NFX1: variants seen among roughly 807,000 people sequenced by gnomAD.
NFX1 encodes the protein transcriptional repressor NF-X1.
A neutral mutation model predicts 137.2 loss-of-function variants in NFX1; 69 were observed. The observed-to-expected ratio is 0.50, with a 90% CI of 0.41 to 0.61. NFX1 has a LOEUF of 0.61. Among genes scored for constraint, NFX1 ranks in the 20% least tolerant of loss-of-function variants. NFX1 has a pLI of 0.00. For synonymous variants in NFX1, 495 were observed against 474.1 expected (o/e 1.04, Z -0.57); for missense variants, 1,167 against 1,391.0 (o/e 0.84, Z 2.56).
chr9:33,301,242 G>A, intron 2 of NFX1, 21 bp from the exon 3 acceptor site: 1 of 1,603,992 alleles, frequency 6.2e-7, no homozygotes, highest in Middle Eastern at 1.7e-4. Context: ...AATCTTTTTT[G>A]TTATTTTGTT....
intron 4 of NFX1, among the ~76,000 whole-genome samples, chr9:33,304,152 C>T (rs541520146): frequency 2.6e-5 from 4 of 152,166 alleles, no homozygotes; most frequent in Non-Finnish European, 5.9e-5. Flanking sequence ...ATCCCAGCTA[C>T]TTGGGAGGCT....
chr9:33,318,696 T>G (rs1223150607), intron 7 of NFX1, 35 bp from the exon 8 acceptor site: 2 of 1,568,904 alleles, frequency 1.3e-6, no homozygotes, highest in African/African-American at 2.7e-5. Context: ...CCATACATGT[T>G]ACTAACGTTT....
At chr9:33,344,212 C>A in intron 14 of NFX1, 24 bp downstream of exon 14, 3 of 1,612,930 alleles carry the variant, frequency 1.9e-6, no homozygotes, top group Non-Finnish European at 2.5e-6. Context: ...TGTCTTCACA[C>A]TTCAGCCTGC....
At chr9:33,313,527 T>G in intron 6 of NFX1, 127 bp from the exon 7 acceptor site, 2 of 760,406 alleles carry the variant, frequency 2.6e-6, no homozygotes, top group South Asian at 2.1e-5. Flanking sequence ...TAGGAAAAAG[T>G]GAGGGAAATG....
chr9:33,321,148 T>C (rs1484169113), intron 9 of NFX1, among the ~76,000 whole-genome samples: 1 of 152,214 alleles, frequency 6.6e-6, no homozygotes, highest in Non-Finnish European at 1.5e-5. Context: ...GGCACTCATG[T>C]ATCCTGTTGG....
intron 19 of NFX1, among the ~76,000 whole-genome samples, chr9:33,355,546 A>AT (rs923329249): frequency 6.8e-6 from 1 of 147,714 alleles, no homozygotes; most frequent in Admixed American, 6.7e-5. Flanking sequence ...TTCCTGCATG[A>AT]TTTTTTTTGT....
intron 13 of NFX1, 115 bp downstream of exon 13, chr9:33,342,969 A>G: frequency 1.4e-6 from 1 of 692,854 alleles, no homozygotes; most frequent in Non-Finnish European, 2.4e-6. Context: ...AAGCCTTCGT[A>G]TTTCCAATAT....
chr9:33,337,152 A>G (rs535168647), intron 11 of NFX1, among the ~76,000 whole-genome samples: 1 of 152,278 alleles, frequency 6.6e-6, no homozygotes, highest in East Asian at 1.9e-4. Flanking sequence ...TTTTCGATAG[A>G]AACACACTCA....
intron 1 of NFX1, 55 bp downstream of exon 1, chr9:33,290,652 C>T: frequency 1.3e-6 from 2 of 1,568,162 alleles, no homozygotes; most frequent in South Asian, 2.3e-5. Flanking sequence ...GAAATTGGGT[C>T]AGTGACGAAG....
chr9:33,326,700 C>CA (rs1468139844), intron 9 of NFX1, among the ~76,000 whole-genome samples: 7 of 152,238 alleles, frequency 4.6e-5, no homozygotes, highest in African/African-American at 1.4e-4. Flanking sequence ...GCCTGAGTGA[C>CA]AAGAGTGGGA....
intron 7 of NFX1, among the ~76,000 whole-genome samples, chr9:33,317,794 G>A (rs994491738): frequency 2.0e-5 from 3 of 151,722 alleles, no homozygotes; most frequent in African/African-American, 7.3e-5. Context: ...TGGCCAACGT[G>A]GTGAAACTCC....
At chr9:33,299,127 C>A (rs1821461079) in intron 2 of NFX1, among the ~76,000 whole-genome samples, 1 of 152,206 alleles carries the variant, frequency 6.6e-6, no homozygotes, top group Non-Finnish European at 1.5e-5. Flanking sequence ...CACCCAACTT[C>A]CTCTAATGTT....
At chr9:33,330,617 G>C (rs555080454) in intron 10 of NFX1, among the ~76,000 whole-genome samples, 1 of 152,226 alleles carries the variant, frequency 6.6e-6, no homozygotes, top group East Asian at 1.9e-4. Context: ...TTGTAAGCAG[G>C]GTTGGGACAT....
intron 9 of NFX1, among the ~76,000 whole-genome samples, chr9:33,323,551 A>G (rs1313395354): frequency 1.3e-5 from 2 of 151,804 alleles, no homozygotes; most frequent in African/African-American, 4.8e-5. Context: ...TCAGGAGTTC[A>G]AGACCAGCCT....
At chr9:33,291,904 A>G (rs965227013) in intron 1 of NFX1, among the ~76,000 whole-genome samples, 1 of 151,556 alleles carries the variant, frequency 6.6e-6, no homozygotes, top group Non-Finnish European at 1.5e-5. Context: ...CTTCGTCTCA[A>G]AAAAAAAAGT....
intron 21 of NFX1, chr9:33,365,005 G>A: frequency 9.1e-6 from 12 of 1,322,808 alleles, no homozygotes; most frequent in Non-Finnish European, 1.2e-5. Flanking sequence ...TGGGCACAGT[G>A]TCTCATGCCT....
intron 10 of NFX1, among the ~76,000 whole-genome samples, chr9:33,330,675 C>T (rs1822773118): frequency 6.6e-6 from 1 of 152,052 alleles, no homozygotes; most frequent in East Asian, 1.9e-4. Flanking sequence ...TCCCACAATC[C>T]CTCTTTCTAT....
chr9:33,351,060 C>T (rs1455328064), intron 15 of NFX1, among the ~76,000 whole-genome samples: 1 of 152,226 alleles, frequency 6.6e-6, no homozygotes, highest in African/African-American at 2.4e-5. Context: ...TGGAGAATCA[C>T]TTGAACCCTG....
chr9:33,369,309 C>G (rs550160769), intron 23 of NFX1, among the ~76,000 whole-genome samples: 2 of 152,126 alleles, frequency 1.3e-5, no homozygotes, highest in Non-Finnish European at 2.9e-5. Flanking sequence ...GTGATCCGTC[C>G]GCCTTGGCCT....
Sources: allele counts gnomAD v4.1 joint callset (sites outside exome capture counted in the v4.1 genomes callset), GRCh38; gene constraint gnomAD v4.1.1; transcripts MANE v1.5; gene names NCBI Gene and HGNC (gene_info 2026-07-23, HGNC 2026-07-21).